The following HPCAL1 variants were observed in gnomAD, a reference collection of about 807,000 sequenced individuals.
HPCAL1 encodes hippocalcin-like protein 1.
A neutral mutation model predicts 17.1 loss-of-function variants in HPCAL1; 8 were observed. The ratio of observed to expected loss-of-function variants is 0.47; its 90% CI spans 0.27 to 0.84. The LOEUF (loss-of-function observed/expected upper bound fraction) is 0.84, where lower values mean the gene tolerates loss of function less well. HPCAL1 is among the 40% of genes least tolerant of loss of function. HPCAL1 has a pLI of 0.13. For synonymous variants in HPCAL1, 112 were observed against 111.4 expected (o/e 1.01, Z -0.03); for missense variants, 165 against 271.1 (o/e 0.61, Z 2.75).
At chr2:10,400,235 G>A (rs1306911830) in intron 2 of HPCAL1, among the ~76,000 whole-genome samples, 1 of 152,202 alleles carries the variant, frequency 6.6e-6, no homozygotes, top group African/African-American at 2.4e-5. Flanking sequence ...TCACACCTGA[G>A]GGGCAGGACG....
intron 1 of HPCAL1, among the ~76,000 whole-genome samples, chr2:10,345,807 G>T (rs1260958628): frequency 6.6e-6 from 1 of 152,140 alleles, no homozygotes; most frequent in Non-Finnish European, 1.5e-5. Context: ...ATATAAAAGT[G>T]ATACATGCAT....
chr2:10,408,976 G>T (rs1670153767), intron 2 of HPCAL1, among the ~76,000 whole-genome samples: 1 of 152,138 alleles, frequency 6.6e-6, no homozygotes. Context: ...AAGTAAAAAA[G>T]ATGAAATTTA....
chr2:10,357,477 GA>G (rs1666228687), intron 1 of HPCAL1, among the ~76,000 whole-genome samples: 1 of 152,368 alleles, frequency 6.6e-6, no homozygotes, highest in South Asian at 2.1e-4. Context: ...GATGCAGAGG[GA>G]GTGGACCCTG....
At chr2:10,346,894 C>G (rs1665495624) in intron 1 of HPCAL1, among the ~76,000 whole-genome samples, 1 of 138,142 alleles carries the variant, frequency 7.2e-6, no homozygotes. Flanking sequence ...TAACTGGGGT[C>G]AGGACCACCC....
chr2:10,424,807 C>G, intron 4 of HPCAL1: 1 of 367,152 alleles, frequency 2.7e-6, no homozygotes, highest in Non-Finnish European at 5.5e-6. Flanking sequence ...CAAAGCTCCT[C>G]CGGGGACTGC....
intron 1 of HPCAL1, among the ~76,000 whole-genome samples, chr2:10,371,659 C>G (rs529543220): frequency 7.9e-5 from 12 of 152,324 alleles, no homozygotes; most frequent in African/African-American, 2.6e-4. Flanking sequence ...GCCTTCCATT[C>G]CAAACTCCTC....
chr2:10,411,983 TG>T (rs921925951), intron 2 of HPCAL1, among the ~76,000 whole-genome samples: 1 of 151,708 alleles, frequency 6.6e-6, no homozygotes, highest in African/African-American at 2.4e-5. Flanking sequence ...GGGGCTGGGG[TG>T]GGGGTGGTTA....
intron 1 of HPCAL1, among the ~76,000 whole-genome samples, chr2:10,378,223 GTTTT>G (rs58697364): frequency 3.1e-5 from 3 of 96,276 alleles, no homozygotes; most frequent in African/African-American, 8.4e-5. Flanking sequence ...GTGGTTTCAT[GTTTT>G]TTTTTTTTTT....
At chr2:10,312,065 CCCACCATCA>C (rs1663002219) in intron 1 of HPCAL1, among the ~76,000 whole-genome samples, 3 of 150,372 alleles carry the variant, frequency 2.0e-5, no homozygotes, top group South Asian at 2.1e-4. Flanking sequence ...CACTATCATC[CCCACCATCA>C]CCACCATCAT....
intron 2 of HPCAL1, among the ~76,000 whole-genome samples, chr2:10,397,721 CTGCCAGCTCCCGAGACAGGAAGGCCT>C (rs374532810): frequency 0.016 from 2,478 of 152,326 alleles, 70 homozygotes; most frequent in African/African-American, 0.057. Context: ...CCTGGTCATC[CTGCCAGCTCCCGAGACAGGAAGGCCT>C]GGCCATGTCC....
rs1242903763 is a variant in HPCAL1, at chr2:10,396,928, A to G, written c.-25+8A>G. The G allele has an allele frequency of 6.6e-6, 1 of 152,098 alleles. No individual in the cohort carries two copies. The highest frequency in any genetic ancestry group is 1.5e-5 in the Non-Finnish European group (1 of 68,092). 9.4% of individuals were successfully genotyped at this position (152,098 alleles called of 1,614,324 possible). On this transcript the variant is annotated splice_region_variant and intron_variant, in intron 2 of 4. Transcript: ENST00000307845. ...GCCTCCGCCTGGTCTCTGGTAAGTC[A>G]CTCCCAGAGGCCGACTGGCTCAGGG...
At chr2:10,319,769 C>T (rs540020004) in intron 1 of HPCAL1, among the ~76,000 whole-genome samples, 36 of 151,920 alleles carry the variant, frequency 2.4e-4, no homozygotes, top group African/African-American at 8.2e-4. Context: ...TCATTCACAT[C>T]GTGTCTACTA....
intron 1 of HPCAL1, among the ~76,000 whole-genome samples, chr2:10,373,456 T>G (rs553225851): frequency 1.4e-4 from 21 of 152,202 alleles, no homozygotes; most frequent in African/African-American, 5.1e-4. Flanking sequence ...ATAGAAAAAT[T>G]AAAATTTAAA....
rs143370055 is a variant in HPCAL1 at position 10,419,877 on chromosome 2, C to A, written c.120C>A (p.Thr40=). The A allele has an allele frequency of 2.5e-6, 4 of 1,613,784 alleles. No homozygotes were observed. In the African/African-American group the frequency reaches 4.0e-5, roughly 16 times the overall value. Reference sequence around the variant, plus strand: ...AGGGCTTCCTCAAGGACTGCCCCACCGGCCACCTGACCGTGGACGAGTTCA... The same window carrying A: ...AGGGCTTCCTCAAGGACTGCCCCACAGGCCACCTGACCGTGGACGAGTTCA... ...WYKGFLKDCP[T]GHLTVDEFKK... Residue 40 remains threonine, a synonymous_variant, in exon 3 of 5, where the codon ACC becomes ACA. Transcript: ENST00000307845. The surrounding 1 kb of genome is among the most constrained non-coding windows in gnomAD (Gnocchi z 5.0).
chr2:10,399,247 C>CCAT (rs1669297232), intron 2 of HPCAL1, among the ~76,000 whole-genome samples: 1 of 92,760 alleles, frequency 1.1e-5, no homozygotes, highest in Admixed American at 1.0e-4. Context: ...ACCATCACCA[C>CCAT]CACCACCACC....
chr2:10,399,533 C>T lies in HPCAL1; in HGVS notation c.-25+2613C>T, dbSNP rs942735800. On this transcript the variant is annotated intron_variant, in intron 2 of 4. Coordinates refer to ENST00000307845, the MANE Select transcript of HPCAL1 (RefSeq NM_002149.4). The stretch of plus-strand genomic sequence containing the variant: ...CCACCGCCGCCACCACCGCCACTGC[C>T]ACCGCCACCATCACCGCCACCACTA... Among the ~76,000 whole-genome samples the T allele has an allele frequency of 9.3e-3, 1,167 of 125,076 alleles. 22 individuals are homozygous for T. Among genetic ancestry groups the T allele is most frequent in the Middle Eastern group, 0.018 (4 of 220 alleles). The allele number at this position is 125,076 out of a possible 152,430, so 82.1% of individuals were successfully genotyped here. A position where few individuals can be genotyped will look rare whatever the true frequency, so the allele number is the denominator to read the frequency against.
rs565024473 is a variant in HPCAL1, at chr2:10,419,754, C to T, written c.-4C>T. On this transcript the variant is annotated 5_prime_UTR_variant, in exon 3 of 5. Coordinates refer to ENST00000307845, the MANE Select transcript of HPCAL1 (RefSeq NM_002149.4). This position sits in a 1 kb window ranked among gnomAD's most constrained non-coding sequence, Gnocchi z 5.0. ...TGCAGGTGTAGTCGCCGCCGCCAGC[C>T]GCCATGGGCAAACAGAACAGCAAGC... The T allele has an allele frequency of 1.9e-6, 3 of 1,605,356 alleles. No individual in the cohort carries two copies. Among genetic ancestry groups the T allele is most frequent in the East Asian group, 2.2e-5 (1 of 44,772 alleles).
chr2:10,388,383 G>A (rs948047813), intron 1 of HPCAL1, among the ~76,000 whole-genome samples: 3 of 152,184 alleles, frequency 2.0e-5, no homozygotes, highest in African/African-American at 7.2e-5. Context: ...GACTGGGCTC[G>A]GGAGGTTCCA....
At chr2:10,391,432 A>G (rs937412298) in intron 1 of HPCAL1, among the ~76,000 whole-genome samples, 4 of 152,200 alleles carry the variant, frequency 2.6e-5, no homozygotes, top group South Asian at 4.1e-4. Flanking sequence ...TTTTGTTTAA[A>G]TCAGCTTTGT....
Sources: gnomAD v4.1 joint callset for allele counts (sites outside exome capture counted in the v4.1 genomes callset) on GRCh38, gnomAD v4.1.1 for gene constraint, Gnocchi (gnomAD v3.1) non-coding constraint, MANE v1.5 for transcripts, NCBI Gene and HGNC (gene_info 2026-07-23, HGNC 2026-07-21) for gene names.